Variants in GRM8 observed in about 807,000 individuals in gnomAD.
GRM8 encodes the protein glutamate metabotropic receptor 8.
Under a neutral mutation model 87.2 loss-of-function variants are expected in GRM8, and 47 were observed. The observed-to-expected ratio is 0.54, with a 90% confidence interval of 0.43 to 0.69. GRM8 has a LOEUF of 0.69. GRM8 is among the 30% of genes least tolerant of loss of function. The pLI is 0.00. For synonymous variants in GRM8, 396 were observed against 404.5 expected (o/e 0.98, Z 0.25); for missense variants, 1,019 against 1,139.2 (o/e 0.89, Z 1.52).
Position 126,487,540 on chromosome 7 carries a change from A to C in GRM8, c.2431-41168T>G, listed in dbSNP as rs150514173. On this transcript the variant is annotated intron_variant, in intron 9 of 10. Coordinates refer to ENST00000339582, the MANE Select transcript of GRM8 (RefSeq NM_000845.3). Reference sequence around the variant, plus strand: ...GAAGGTTAATGGCAGTGTAGAAGCCAAAACAATGTCAATGACCTTTCCCTA... The same window carrying C: ...GAAGGTTAATGGCAGTGTAGAAGCCCAAACAATGTCAATGACCTTTCCCTA... Among the ~76,000 whole-genome samples the C allele has an allele frequency of 2.3e-4, 35 of 152,168 alleles. No individual in the cohort carries two copies. The East Asian group carries it at 6.8e-3, about 30-fold the overall frequency.
chr7:126,861,519 G>T (rs562640697), intron 6 of GRM8, among the ~76,000 whole-genome samples: 30 of 151,832 alleles, frequency 2.0e-4, no homozygotes, highest in African/African-American at 7.0e-4. Context: ...ACTAGTATTT[G>T]ATAATTTCCA....
intron 3 of GRM8, among the ~76,000 whole-genome samples, chr7:127,017,104 C>G (rs1815761273): frequency 1.3e-5 from 2 of 152,086 alleles, no homozygotes. Flanking sequence ...AACATCTAAT[C>G]TGTCTTTACA....
chr7:126,831,863 A>G (rs1482102018), intron 6 of GRM8, among the ~76,000 whole-genome samples: 1 of 152,188 alleles, frequency 6.6e-6, no homozygotes, highest in African/African-American at 2.4e-5. Context: ...TAGGCAAATA[A>G]CATGTCTATA....
chr7:127,146,785 A>G (rs117007373), intron 2 of GRM8, among the ~76,000 whole-genome samples: 39 of 152,118 alleles, frequency 2.6e-4, no homozygotes, highest in Non-Finnish European at 5.2e-4. Flanking sequence ...AATCTCATTA[A>G]AATTTGGTAG....
intron 3 of GRM8, among the ~76,000 whole-genome samples, chr7:127,018,126 G>A (rs1042249281): frequency 2.0e-5 from 3 of 151,584 alleles, no homozygotes; most frequent in Admixed American, 2.0e-4. Context: ...CACACATACA[G>A]ACCAATAAGA....
intron 2 of GRM8, among the ~76,000 whole-genome samples, chr7:127,165,938 C>A (rs2116272739): frequency 1.3e-5 from 2 of 152,260 alleles, no homozygotes; most frequent in South Asian, 4.1e-4. Context: ...AGAGTTGAAG[C>A]AACATGATCC....
intron 3 of GRM8, among the ~76,000 whole-genome samples, chr7:127,067,623 T>C (rs926041144): frequency 6.6e-6 from 1 of 152,230 alleles, no homozygotes; most frequent in African/African-American, 2.4e-5. Context: ...CATAATCTGC[T>C]CTTGAGAGTT....
chr7:126,656,304 G>A (rs1037647169), intron 7 of GRM8, among the ~76,000 whole-genome samples: 3 of 152,098 alleles, frequency 2.0e-5, no homozygotes, highest in South Asian at 2.1e-4. Context: ...CAGCCTTGAC[G>A]GCCTGGGGCA....
Sources: gnomAD v4.1 joint callset for allele counts (sites outside exome capture counted in the v4.1 genomes callset) on GRCh38, gnomAD v4.1.1 for gene constraint, MANE v1.5 for transcripts, NCBI Gene and HGNC (gene_info 2026-07-23, HGNC 2026-07-21) for gene names.